The following C6orf89 variants were observed in gnomAD, a reference collection of about 807,000 sequenced individuals.
The protein encoded by C6orf89 is bombesin receptor-activated protein C6orf89.
In C6orf89, 29 loss-of-function variants were observed where a neutral mutation model predicts 40.7. That is an observed-to-expected ratio of 0.71 (90% confidence interval 0.53 to 0.97). The LOEUF is 0.97. C6orf89 is among the 50% of genes least tolerant of loss of function. The pLI, the probability that C6orf89 is intolerant of heterozygous loss-of-function variation, is 0.00. For synonymous variants in C6orf89, 165 were observed against 152.2 expected (o/e 1.08, Z -0.62); for missense variants, 392 against 429.1 (o/e 0.91, Z 0.76).
At position 36,928,142 on chromosome 6, in the gene C6orf89, T is replaced by C. The variant is rs1762747943; in HGVS notation, c.*4701T>C. On this transcript the variant is annotated 3_prime_UTR_variant, in exon 9 of 9. Coordinates refer to ENST00000480824, the MANE Select transcript of C6orf89 (RefSeq NM_001286635.2). Reference sequence around the variant, plus strand: ...ACTAGTGGAGGGAAGGAATGTTACATAACTAAGTGGAGGCCTGGAACTGTC... The same window carrying C: ...ACTAGTGGAGGGAAGGAATGTTACACAACTAAGTGGAGGCCTGGAACTGTC... The C allele has an allele frequency of 6.6e-6, 1 of 152,240 alleles. No individual in the cohort carries two copies. Among genetic ancestry groups the C allele is most frequent in the South Asian group, 2.1e-4 (1 of 4,840 alleles). The allele number at this position is 152,240 out of a possible 1,614,324, so 9.4% of individuals were successfully genotyped here.
At chr6:36,874,821 T>A (rs542733727) in intron 1 of C6orf89, 1 of 1,600,628 alleles carries the variant, frequency 6.2e-7, no homozygotes, top group South Asian at 1.1e-5. Flanking sequence ...ACTTCCGGCG[T>A]CGATTAGCTG....
intron 4 of C6orf89, among the ~76,000 whole-genome samples, chr6:36,903,076 G>A (rs1018438441): frequency 6.6e-6 from 1 of 152,142 alleles, no homozygotes; most frequent in Non-Finnish European, 1.5e-5. Context: ...GTGTTAACAT[G>A]TAATAAGAGT....
chr6:36,913,000 G>A (rs924168154), intron 4 of C6orf89, among the ~76,000 whole-genome samples: 1 of 152,274 alleles, frequency 6.6e-6, no homozygotes, highest in South Asian at 2.1e-4. Flanking sequence ...CTCCTGATTT[G>A]GTTTCCATTG....
upstream of C6orf89, chr6:36,883,297 A>G (rs985277423): frequency 1.4e-4 from 22 of 152,176 alleles, no homozygotes; most frequent in African/African-American, 5.3e-4. Context: ...ATAATCTCAC[A>G]GCTGAGAAGG....
chr6:36,909,674 C>G (rs536445746), intron 4 of C6orf89, among the ~76,000 whole-genome samples: 13 of 151,624 alleles, frequency 8.6e-5, no homozygotes, highest in Admixed American at 6.6e-5. Flanking sequence ...CCCAGCTACT[C>G]TGGCAGCTGA....
chr6:36,895,131 A>C (rs1159834965), intron 2 of C6orf89, among the ~76,000 whole-genome samples: 1 of 152,184 alleles, frequency 6.6e-6, no homozygotes, highest in Non-Finnish European at 1.5e-5. Context: ...ATTGCTGTAC[A>C]TCTCTGACTC....
intron 4 of C6orf89, among the ~76,000 whole-genome samples, chr6:36,906,060 T>C (rs188369154): frequency 6.6e-6 from 1 of 152,390 alleles, no homozygotes; most frequent in Non-Finnish European, 1.5e-5. Flanking sequence ...TATTCATTTC[T>C]ACTGAGGAAG....
At chr6:36,872,784 T>A (rs1441931617) in intron 1 of C6orf89, among the ~76,000 whole-genome samples, 1 of 152,124 alleles carries the variant, frequency 6.6e-6, no homozygotes, top group Non-Finnish European at 1.5e-5. Context: ...ATTTGTTGTA[T>A]TTTTTTGTAG....
At chr6:36,899,141 A>T (rs1761563764) in intron 2 of C6orf89, among the ~76,000 whole-genome samples, 1 of 152,116 alleles carries the variant, frequency 6.6e-6, no homozygotes, top group Non-Finnish European at 1.5e-5. Context: ...TCCCATTAGG[A>T]TATATTGTGC....
intron 4 of C6orf89, among the ~76,000 whole-genome samples, chr6:36,902,748 C>G (rs747402206): frequency 6.6e-6 from 1 of 152,198 alleles, no homozygotes; most frequent in Non-Finnish European, 1.5e-5. Context: ...GTATCTCATC[C>G]TTTTCTCTCC....
chr6:36,911,046 A>G (rs937737399), intron 4 of C6orf89, among the ~76,000 whole-genome samples: 3 of 151,874 alleles, frequency 2.0e-5, no homozygotes, highest in African/African-American at 7.3e-5. Context: ...AAGGAACACC[A>G]CCTCCAAGTT....
rs141666753 is a variant in C6orf89, at chr6:36,915,565, G to A, written c.695+872G>A. Among the ~76,000 whole-genome samples the A allele has an allele frequency of 7.3e-3, 1,108 of 152,176 alleles. 13 individuals carry two copies. Among genetic ancestry groups the A allele is most frequent in the African/African-American group, 0.023 (965 of 41,512 alleles). On this transcript the variant is annotated intron_variant, in intron 6 of 8. Coordinates refer to ENST00000480824, the MANE Select transcript of C6orf89 (RefSeq NM_001286635.2). ...GAGACCAGCCCAGGCAACATAGGGAGACCCCATCTCTACAAAAAATATCCA... is the reference window on the plus strand; with the variant it reads ...GAGACCAGCCCAGGCAACATAGGGAAACCCCATCTCTACAAAAAATATCCA...
At chr6:36,919,485 C>T in intron 7 of C6orf89, 93 bp from the exon 8 acceptor site, 1 of 1,443,686 alleles carries the variant, frequency 6.9e-7, no homozygotes, top group Non-Finnish European at 9.4e-7. Context: ...AAACTCAGAG[C>T]CATATGTGAA....
chr6:36,895,686 C>G (rs558742833), intron 2 of C6orf89, among the ~76,000 whole-genome samples: 2 of 152,260 alleles, frequency 1.3e-5, no homozygotes, highest in South Asian at 4.1e-4. Flanking sequence ...TACTGCATTC[C>G]TTTTTATCGT....
intron 8 of C6orf89, among the ~76,000 whole-genome samples, chr6:36,922,713 C>T (rs1762553697): frequency 6.6e-6 from 1 of 152,334 alleles, no homozygotes; most frequent in East Asian, 1.9e-4. Flanking sequence ...TCTTACAGGA[C>T]ACTACTGTTT....
chr6:36,916,348 C>T, intron 6 of C6orf89, 97 bp from the exon 7 acceptor site: 9 of 1,458,366 alleles, frequency 6.2e-6, no homozygotes, highest in Non-Finnish European at 8.5e-6. Flanking sequence ...CCTCTTTACC[C>T]ACCGCCCACA....
rs1344259747 is a variant in C6orf89, at chr6:36,914,286, T to C, written c.406T>C (p.Phe136Leu). ...CTCCATATCCCTTCCTCTCTCAGAC[T>C]TTGACCCCTGGTGGACAAACGACTG... ...GGDEDRPFPD[F>L]DPWWTNDCEQ... Residue 136 changes from phenylalanine to leucine, a missense_variant and splice_region_variant, in exon 5 of 9, where the codon TTT becomes CTT. By Grantham distance (22) the Phe-to-Leu change is conservative. Transcript: ENST00000480824. The C allele has an allele frequency of 6.2e-7, 1 of 1,613,386 alleles. No individual in the cohort carries two copies. The highest frequency in any genetic ancestry group is 1.1e-5 in the South Asian group (1 of 91,050).
chr6:36,914,997 T>G (rs1762263438), intron 6 of C6orf89, among the ~76,000 whole-genome samples: 1 of 151,344 alleles, frequency 6.6e-6, no homozygotes, highest in Admixed American at 6.6e-5. Flanking sequence ...CTCAAAAAAA[T>G]GGGGGGGCTA....
upstream of C6orf89, among the ~76,000 whole-genome samples, chr6:36,883,800 C>G (rs1231272807): frequency 6.6e-6 from 1 of 152,184 alleles, no homozygotes; most frequent in Non-Finnish European, 1.5e-5. Context: ...GAAATGTCTC[C>G]CTCATAATAG....
Sources: gnomAD v4.1 joint callset for allele counts (sites outside exome capture counted in the v4.1 genomes callset) on GRCh38, gnomAD v4.1.1 for gene constraint, MANE v1.5 for transcripts, NCBI Gene and HGNC (gene_info 2026-07-23, HGNC 2026-07-21) for gene names.